The following ZCWPW2 variants were observed in gnomAD, a reference collection of about 807,000 sequenced individuals.
ZCWPW2 encodes zinc finger CW-type and PWWP domain containing 2.
Under a neutral mutation model 46.6 loss-of-function variants are expected in ZCWPW2, and 45 were observed. The ratio of observed to expected loss-of-function variants is 0.96; its 90% CI spans 0.76 to 1.24. The LOEUF (loss-of-function observed/expected upper bound fraction) is 1.24, where lower values mean the gene tolerates loss of function less well. ZCWPW2 is among the 50% of genes most tolerant of loss of function. The pLI, the probability that ZCWPW2 is intolerant of heterozygous loss-of-function variation, is 0.00. For missense variants in ZCWPW2, 429 were observed against 403.9 expected (o/e 1.06, Z -0.53); for synonymous variants, 152 against 137.1 (o/e 1.11, Z -0.76).
chr3:28,479,490 C>T (rs1281070359), intron 5 of ZCWPW2, among the ~76,000 whole-genome samples: 3 of 151,928 alleles, frequency 2.0e-5, no homozygotes, highest in African/African-American at 4.8e-5. Flanking sequence ...TAAGTGAAAC[C>T]ATTTGAAAGA....
chr3:28,381,711 A>G (rs191188038), intron 1 of ZCWPW2, among the ~76,000 whole-genome samples: 42 of 152,240 alleles, frequency 2.8e-4, no homozygotes, highest in Admixed American at 8.5e-4. Flanking sequence ...GCATGAGTCC[A>G]GGAGTTCGAG....
intron 4 of ZCWPW2, among the ~76,000 whole-genome samples, chr3:28,462,475 T>C (rs893259054): frequency 2.6e-5 from 4 of 152,318 alleles, no homozygotes; most frequent in Admixed American, 2.6e-4. Flanking sequence ...GCACAATGAC[T>C]TTCTGATTTA....
chr3:28,390,569 C>A lies in ZCWPW2; in HGVS notation c.-62C>A. On this transcript the variant is annotated 5_prime_UTR_variant, in exon 2 of 10. Transcript: ENST00000383768. ...CTTCCCTTCTCTGGAGTTTTGGAGT[C>A]TATTTTCTTCATGGAATTTTGCTAG... The A allele has an allele frequency of 1.0e-6, 1 of 985,330 alleles. No homozygotes were observed. The highest frequency in any genetic ancestry group is 1.2e-6 in the Non-Finnish European group (1 of 829,914). 61.0% of individuals were successfully genotyped at this position (985,330 alleles called of 1,614,324 possible). A position where few individuals can be genotyped will look rare whatever the true frequency, so the allele number is the denominator to read the frequency against.
At chr3:28,468,456 A>G (rs1698910703) in intron 4 of ZCWPW2, among the ~76,000 whole-genome samples, 1 of 152,212 alleles carries the variant, frequency 6.6e-6, no homozygotes, top group South Asian at 2.1e-4. Context: ...GTATCCAAGT[A>G]TGAGAATATT....
At chr3:28,363,105 C>T (rs553276038) in intron 1 of ZCWPW2, among the ~76,000 whole-genome samples, 50 of 152,126 alleles carry the variant, frequency 3.3e-4, no homozygotes, top group Middle Eastern at 3.4e-3. Flanking sequence ...CAAAACAAAG[C>T]TGTTGGGTAC....
At chr3:28,420,699 G>A (rs1412434768) in intron 3 of ZCWPW2, among the ~76,000 whole-genome samples, 1 of 150,702 alleles carries the variant, frequency 6.6e-6, no homozygotes, top group Non-Finnish European at 1.5e-5. Context: ...TTCACTTTTT[G>A]GTAGGGGTAT....
chr3:28,482,049 TTC>T (rs1359646305), intron 5 of ZCWPW2, among the ~76,000 whole-genome samples: 1 of 152,202 alleles, frequency 6.6e-6, no homozygotes, highest in Non-Finnish European at 1.5e-5. Context: ...CTGTTATGCA[TTC>T]TGTGTGTCTG....
intron 4 of ZCWPW2, among the ~76,000 whole-genome samples, chr3:28,453,994 G>A (rs1206079428): frequency 6.6e-6 from 1 of 151,274 alleles, no homozygotes; most frequent in Admixed American, 6.6e-5. Flanking sequence ...ACAGGCACCC[G>A]CCACCACGCC....
rs147405051 is a variant in ZCWPW2 at position 28,425,288 on chromosome 3, T to C, written c.333-9822T>C. ...CATATATTCCTCTTTATAAACTAAG[T>C]TGAGCACACACCTAAAATACAGATT... On this transcript the variant is annotated intron_variant, in intron 3 of 9. Transcript: ENST00000383768. 2.4e-3 allele frequency among the ~76,000 whole-genome samples: 371 copies of C among 152,264 alleles called. 1 individual carries two copies. Among genetic ancestry groups the C allele is most frequent in the African/African-American group, 8.1e-3 (338 of 41,546 alleles).
intron 1 of ZCWPW2, among the ~76,000 whole-genome samples, chr3:28,379,204 G>A (rs757926759): frequency 9.2e-5 from 14 of 152,206 alleles, no homozygotes; most frequent in Non-Finnish European, 1.8e-4. Flanking sequence ...ATCAGTGACA[G>A]AGTAGTTTTA....
chr3:28,433,132 C>G (rs1697338488), intron 3 of ZCWPW2, among the ~76,000 whole-genome samples: 1 of 151,994 alleles, frequency 6.6e-6, no homozygotes, highest in African/African-American at 2.4e-5. Context: ...CACATACTCC[C>G]TACACTATAC....
intron 1 of ZCWPW2, among the ~76,000 whole-genome samples, chr3:28,368,486 C>G (rs192252418): frequency 1.3e-5 from 2 of 152,204 alleles, no homozygotes; most frequent in East Asian, 3.9e-4. Context: ...AAATATTGGC[C>G]CCCACTCTCT....
intron 6 of ZCWPW2, among the ~76,000 whole-genome samples, chr3:28,496,735 ATATAT>A (rs1270983654): frequency 6.6e-6 from 1 of 151,920 alleles, no homozygotes; most frequent in Non-Finnish European, 1.5e-5. Flanking sequence ...TAATGGCAAA[ATATAT>A]TAGGTAATTA....
chr3:28,515,483 T>C, intron 7 of ZCWPW2, 71 bp from the exon 8 acceptor site: 1 of 1,125,594 alleles, frequency 8.9e-7, no homozygotes, highest in South Asian at 1.4e-5. Flanking sequence ...TACCAATGAA[T>C]AGGCACAAAT....
intron 5 of ZCWPW2, among the ~76,000 whole-genome samples, chr3:28,490,427 C>T (rs1699768365): frequency 6.6e-6 from 1 of 152,072 alleles, no homozygotes; most frequent in Non-Finnish European, 1.5e-5. Context: ...CTTAGATGCC[C>T]ATCAATTGTA....
At chr3:28,396,956 C>A (rs1695725651) in intron 2 of ZCWPW2, among the ~76,000 whole-genome samples, 1 of 152,014 alleles carries the variant, frequency 6.6e-6, no homozygotes, top group Non-Finnish European at 1.5e-5. Context: ...TGGCAAAACT[C>A]CGTCTCTATT....
chr3:28,472,009 AT>A (rs1699054721), intron 4 of ZCWPW2, among the ~76,000 whole-genome samples: 1 of 152,182 alleles, frequency 6.6e-6, no homozygotes, highest in Non-Finnish European at 1.5e-5. Context: ...CCTAGGAATT[AT>A]CTCAACCAAA....
chr3:28,374,729 T>G (rs1705447462), intron 1 of ZCWPW2, among the ~76,000 whole-genome samples: 1 of 152,162 alleles, frequency 6.6e-6, no homozygotes, highest in Non-Finnish European at 1.5e-5. Flanking sequence ...TTATATTTTT[T>G]GTAGATATTG....
At chr3:28,401,615 C>T (rs190237218) in intron 2 of ZCWPW2, among the ~76,000 whole-genome samples, 29 of 152,196 alleles carry the variant, frequency 1.9e-4, no homozygotes, top group Non-Finnish European at 3.2e-4. Context: ...ACATTTCATC[C>T]GACAACTGCA....
Sources: allele counts gnomAD v4.1 joint callset (sites outside exome capture counted in the v4.1 genomes callset), GRCh38; gene constraint gnomAD v4.1.1; transcripts MANE v1.5; gene names NCBI Gene and HGNC (gene_info 2026-07-23, HGNC 2026-07-21).